Variants in LDLRAD4 observed in about 807,000 individuals in gnomAD.
LDLRAD4 encodes the protein low-density lipoprotein receptor class A domain-containing protein 4.
In LDLRAD4, 5 loss-of-function variants were observed where a neutral mutation model predicts 17.0. The ratio of observed to expected loss-of-function variants is 0.29; its 90% CI spans 0.15 to 0.62. LDLRAD4 has a LOEUF of 0.62. Ranked by LOEUF, LDLRAD4 falls within the 20% of genes least tolerant of loss-of-function variation. The pLI, the probability that LDLRAD4 is intolerant of heterozygous loss-of-function variation, is 0.84. For missense variants in LDLRAD4, 340 were observed against 424.7 expected (o/e 0.80, Z 1.75); for synonymous variants, 168 against 171.8 (o/e 0.98, Z 0.17).
At chr18:13,381,490 G>A (rs947617089) in intron 1 of LDLRAD4, among the ~76,000 whole-genome samples, 2 of 152,234 alleles carry the variant, frequency 1.3e-5, no homozygotes, top group African/African-American at 4.8e-5. Context: ...GGAGATGGGA[G>A]CCAGGGCCGG....
chr18:13,454,950 G>A (rs943626337), intron 3 of LDLRAD4, among the ~76,000 whole-genome samples: 1 of 152,262 alleles, frequency 6.6e-6, no homozygotes, highest in Non-Finnish European at 1.5e-5. Flanking sequence ...CAGGGCATGC[G>A]CCCTGGTGGG....
intron 3 of LDLRAD4, among the ~76,000 whole-genome samples, chr18:13,587,094 G>A (rs938784664): frequency 3.9e-5 from 6 of 151,908 alleles, no homozygotes; most frequent in Non-Finnish European, 8.8e-5. Flanking sequence ...CGCTTCCTTG[G>A]GTCAGAGGGT....
chr18:13,620,076 G>A (rs992299521), intron 3 of LDLRAD4, among the ~76,000 whole-genome samples: 9 of 152,122 alleles, frequency 5.9e-5, no homozygotes, highest in African/African-American at 1.9e-4. Context: ...GGTTCCCAGG[G>A]TGTGGGCAGC....
intron 1 of LDLRAD4, among the ~76,000 whole-genome samples, chr18:13,339,022 A>G (rs958847039): frequency 2.6e-5 from 4 of 152,316 alleles, no homozygotes; most frequent in East Asian, 1.9e-4. Flanking sequence ...ATGGAATTTG[A>G]GCAAAGTGGC....
At chr18:13,449,554 C>T (rs564748248) in intron 3 of LDLRAD4, among the ~76,000 whole-genome samples, 64 of 152,332 alleles carry the variant, frequency 4.2e-4, no homozygotes, top group African/African-American at 1.3e-3. Context: ...GATTGCCCTG[C>T]CTCCTTGAGA....
intron 3 of LDLRAD4, among the ~76,000 whole-genome samples, chr18:13,553,866 G>A (rs1259913868): frequency 6.6e-6 from 1 of 152,128 alleles, no homozygotes; most frequent in Non-Finnish European, 1.5e-5. Flanking sequence ...GGAGAGTAAT[G>A]TCAACCAACT....
At chr18:13,229,829 C>T (rs2041984378) in intron 1 of LDLRAD4, among the ~76,000 whole-genome samples, 1 of 152,164 alleles carries the variant, frequency 6.6e-6, no homozygotes, top group Non-Finnish European at 1.5e-5. Flanking sequence ...GACAGGTGTG[C>T]CCACGGTTGC....
In LDLRAD4 at chr18:13,473,636, C is replaced by CATATAT. The variant is rs71366054; in HGVS notation, c.181+35290_181+35295dup. Among the ~76,000 whole-genome samples, 222 of 28,716 alleles carry CATATAT rather than the reference C, an allele frequency of 7.7e-3. 3 individuals carry two copies. The highest frequency in any genetic ancestry group is 0.043 in the Middle Eastern group (2 of 46). 18.8% of individuals were successfully genotyped at this position (28,716 alleles called of 152,430 possible). Reference sequence around the variant, plus strand: ...TGGGCAGCACAGTAAGATCCCATCTCATATATATATATATATATATATATA... The same window carrying CATATAT: ...TGGGCAGCACAGTAAGATCCCATCTCATATATATATATATATATATATATATATATA... On this transcript the variant is annotated intron_variant, in intron 3 of 5. Coordinates refer to ENST00000359446, the Ensembl canonical transcript of LDLRAD4.
chr18:13,350,810 A>G (rs2082993630), intron 1 of LDLRAD4, among the ~76,000 whole-genome samples: 2 of 152,174 alleles, frequency 1.3e-5, no homozygotes, highest in South Asian at 4.1e-4. Flanking sequence ...TTTTTGTATA[A>G]GGTGTAAGGA....
intron 3 of LDLRAD4, among the ~76,000 whole-genome samples, chr18:13,548,126 C>T (rs1601294700): frequency 6.6e-6 from 1 of 152,142 alleles, no homozygotes; most frequent in South Asian, 2.1e-4. Context: ...GTGGGTGGCT[C>T]CTCTCTGCAG....
chr18:13,402,415 A>G (rs866091137), intron 2 of LDLRAD4, among the ~76,000 whole-genome samples: 15 of 152,326 alleles, frequency 9.8e-5, no homozygotes, highest in Middle Eastern at 3.4e-3. Context: ...GTTGTCTCCA[A>G]TAACTTGAAC....
chr18:13,467,240 A>C (rs1647286818), intron 3 of LDLRAD4, among the ~76,000 whole-genome samples: 1 of 152,252 alleles, frequency 6.6e-6, no homozygotes, highest in African/African-American at 2.4e-5. Flanking sequence ...TCTTATGTAT[A>C]GAGTATCTCC....
intron 1 of LDLRAD4, among the ~76,000 whole-genome samples, chr18:13,343,471 C>G (rs2082497194): frequency 6.6e-6 from 1 of 151,938 alleles, no homozygotes; most frequent in Non-Finnish European, 1.5e-5. Context: ...TTTTCTTAAT[C>G]CAGTCTATTG....
At chr18:13,395,774 A>G (rs2086643180) in intron 2 of LDLRAD4, among the ~76,000 whole-genome samples, 1 of 148,518 alleles carries the variant, frequency 6.7e-6, no homozygotes, top group African/African-American at 2.5e-5. Flanking sequence ...GGGTGGGGGC[A>G]TGGGCTGCAG....
chr18:13,219,424 TTC>T (rs2041325724), intron 1 of LDLRAD4, among the ~76,000 whole-genome samples: 1 of 152,238 alleles, frequency 6.6e-6, no homozygotes. Flanking sequence ...GTCTATTCCC[TTC>T]TCTTTTTCTC....
rs546745796 is a variant in LDLRAD4, at chr18:13,376,217, G to T, written c.-382-11124G>T. ...GCTTAGGTCTCCATGCAGAGTAGGG[G>T]TTGGAATAAATCGATTCCTACTTGT... On this transcript the variant is annotated intron_variant, in intron 1 of 5. Transcript: ENST00000359446. Among the ~76,000 whole-genome samples the T allele has an allele frequency of 2.0e-5, 3 of 152,326 alleles. No homozygotes were observed. In the East Asian group the frequency reaches 5.8e-4, roughly 29 times the overall value.
intron 1 of LDLRAD4, among the ~76,000 whole-genome samples, chr18:13,299,970 T>C (rs565513259): frequency 1.2e-4 from 18 of 152,350 alleles, no homozygotes; most frequent in African/African-American, 4.3e-4. Context: ...TTCCCCACAC[T>C]GAAGGCAGCC....
At chr18:13,588,847 G>A (rs564745849) in intron 3 of LDLRAD4, among the ~76,000 whole-genome samples, 2 of 151,684 alleles carry the variant, frequency 1.3e-5, no homozygotes, top group Non-Finnish European at 1.5e-5. Context: ...TGATGCACCC[G>A]TTCAGCTGTG....
chr18:13,407,614 C>T (rs1278103248), intron 2 of LDLRAD4, among the ~76,000 whole-genome samples: 1 of 152,220 alleles, frequency 6.6e-6, no homozygotes, highest in African/African-American at 2.4e-5. Flanking sequence ...GCATCTTGTC[C>T]AGGGTTTCAC....
Sources: gnomAD v4.1 joint callset for allele counts (sites outside exome capture counted in the v4.1 genomes callset) on GRCh38, gnomAD v4.1.1 for gene constraint, MANE v1.5 for transcripts, NCBI Gene and HGNC (gene_info 2026-07-23, HGNC 2026-07-21) for gene names.